TBC1D23: variants seen among roughly 807,000 people sequenced by gnomAD.
The protein encoded by TBC1D23 is HCV non-structural protein 4A-transactivated protein 1.
In TBC1D23, 55 loss-of-function variants were observed where a neutral mutation model predicts 91.4. The ratio of observed to expected loss-of-function variants is 0.60; its 90% CI spans 0.48 to 0.75. The LOEUF is 0.75. Among genes scored for constraint, TBC1D23 ranks in the 30% least tolerant of loss-of-function variants. TBC1D23 has a pLI of 0.00. For synonymous variants in TBC1D23, 289 were observed against 281.0 expected (o/e 1.03, Z -0.28); for missense variants, 725 against 836.1 (o/e 0.87, Z 1.64).
chr3:100,308,952 GGCTCAT>G, intron 13 of TBC1D23, among the ~76,000 whole-genome samples: 2 of 152,330 alleles, frequency 1.3e-5, no homozygotes, highest in East Asian at 3.9e-4. Flanking sequence ...CATGCATGGT[GGCTCAT>G]GCTTGTAATC....
intron 1 of TBC1D23, 92 bp downstream of exon 1, chr3:100,261,163 G>A: frequency 7.8e-7 from 1 of 1,289,780 alleles, no homozygotes; most frequent in Non-Finnish European, 1.1e-6. Flanking sequence ...GCGTCGGCAT[G>A]GAACGGAGAG....
At chr3:100,276,432 C>A (rs2067649565) in intron 1 of TBC1D23, among the ~76,000 whole-genome samples, 1 of 151,970 alleles carries the variant, frequency 6.6e-6, no homozygotes, top group Admixed American at 6.6e-5. Flanking sequence ...TACAAAATTT[C>A]TAATAACGAA....
chr3:100,313,955 A>T (rs1211032326), intron 15 of TBC1D23, among the ~76,000 whole-genome samples: 1 of 152,188 alleles, frequency 6.6e-6, no homozygotes, highest in Admixed American at 6.5e-5. Flanking sequence ...CTTGTAATTT[A>T]ATCAGACTTT....
intron 1 of TBC1D23, 69 bp from the exon 2 acceptor site, chr3:100,279,580 A>G (rs1043588518): frequency 1.8e-6 from 2 of 1,103,798 alleles, no homozygotes; most frequent in South Asian, 1.5e-5. Flanking sequence ...GGCCATGCTT[A>G]TAAATGAATC....
In TBC1D23 at chr3:100,304,782, A is replaced by G. The variant is rs1281595016; in HGVS notation, c.1264-64A>G. On this transcript the variant is annotated intron_variant, in intron 11 of 18. Transcript: ENST00000394144. ...GGTATTGTATTTATCAGTGTTTTAG[A>G]ACTAGCTAAAGTTTTAATTAAGTCG... 3 of 806,948 alleles carry G rather than the reference A, an allele frequency of 3.7e-6. No individual in the cohort carries two copies. In the African/African-American group the frequency reaches 5.1e-5, roughly 14 times the overall value. 50.0% of individuals were successfully genotyped at this position (806,948 alleles called of 1,614,324 possible). A position where few individuals can be genotyped will look rare whatever the true frequency, so the allele number is the denominator to read the frequency against.
intron 17 of TBC1D23, among the ~76,000 whole-genome samples, chr3:100,319,857 T>C (rs756006999): frequency 3.9e-5 from 6 of 152,124 alleles, no homozygotes; most frequent in Non-Finnish European, 8.8e-5. Flanking sequence ...AATGTGACAC[T>C]TCATCCCTAA....
intron 15 of TBC1D23, among the ~76,000 whole-genome samples, chr3:100,314,850 A>T (rs1705705406): frequency 6.6e-6 from 1 of 152,188 alleles, no homozygotes. Flanking sequence ...ATAGCTCTTG[A>T]AAATAGAAGA....
chr3:100,308,400 G>A (rs952154535), intron 13 of TBC1D23, among the ~76,000 whole-genome samples: 10 of 151,982 alleles, frequency 6.6e-5, no homozygotes, highest in Non-Finnish European at 1.3e-4. Context: ...GTGTGAACCC[G>A]GGAGGCGGAG....
intron 6 of TBC1D23, 38 bp downstream of exon 6, chr3:100,295,249 C>T (rs1311683675): frequency 1.3e-6 from 2 of 1,595,292 alleles, no homozygotes; most frequent in Non-Finnish European, 1.7e-6. Flanking sequence ...TTCCTCTTTT[C>T]TCAGGGTGCT....
chr3:100,298,142 C>T lies in TBC1D23; in HGVS notation c.999+97C>T, dbSNP rs1006085169. On this transcript the variant is annotated intron_variant, in intron 9 of 18. Coordinates refer to ENST00000394144, the MANE Select transcript of TBC1D23 (RefSeq NM_001199198.3). The stretch of plus-strand genomic sequence containing the variant: ...CATTGATTCCCACAAAATCAATTTA[C>T]TGCAACAAGGTGGCTCTTTTGGCTT... The T allele has an allele frequency of 5.5e-6, 6 of 1,082,094 alleles. No individual in the cohort carries two copies. The Admixed American group carries it at 1.6e-4, about 29-fold the overall frequency. 67.0% of individuals were successfully genotyped at this position (1,082,094 alleles called of 1,614,324 possible).
At chr3:100,318,800 A>G (rs1228183) in intron 16 of TBC1D23, among the ~76,000 whole-genome samples, 62,580 of 151,646 alleles carry the variant, frequency 0.41, 15,102 homozygotes, top group East Asian at 0.87. Flanking sequence ...ACAGGTGTGC[A>G]CCACCACACC....
At chr3:100,297,818 CAA>C (rs1705331617) in intron 8 of TBC1D23, 103 bp from the exon 9 acceptor site, 4 of 935,982 alleles carry the variant, frequency 4.3e-6, no homozygotes, top group Non-Finnish European at 6.2e-6. Context: ...AATCACAACT[CAA>C]GAGTATTATA....
At position 100,306,471 on chromosome 3, in the gene TBC1D23, T is replaced by C. The variant is rs201733306; in HGVS notation, c.1341T>C (p.Asp447=). 3 of 1,612,900 alleles carry C rather than the reference T, an allele frequency of 1.9e-6. No individual in the cohort carries two copies. In the African/African-American group the frequency reaches 4.0e-5, roughly 22 times the overall value. Residue 447 remains aspartate, a synonymous_variant, in exon 13 of 19, where the codon GAT becomes GAC. Coordinates refer to ENST00000394144, the MANE Select transcript of TBC1D23 (RefSeq NM_001199198.3). ...AGCACCTGGCAGACATTAATGTGGA[T>C]GGACCAGAAAATGGATATGGCCATT... ...LQQHLADINV[D]GPENGYGHWI... is the part of the protein sequence containing the mutation.
intron 3 of TBC1D23, 112 bp from the exon 4 acceptor site, chr3:100,283,495 G>A: frequency 3.1e-6 from 2 of 648,548 alleles, no homozygotes; most frequent in Non-Finnish European, 5.3e-6. Flanking sequence ...GTTTCACTTT[G>A]TCTTTCTCTA....
intron 1 of TBC1D23, among the ~76,000 whole-genome samples, chr3:100,278,574 C>CG (rs1414405305): frequency 1.3e-5 from 2 of 151,894 alleles, no homozygotes; most frequent in Non-Finnish European, 2.9e-5. Flanking sequence ...TTAGTAGAGA[C>CG]GGGGTTTCAC....
chr3:100,307,531 TA>T (rs892635780), intron 13 of TBC1D23, among the ~76,000 whole-genome samples: 1 of 152,250 alleles, frequency 6.6e-6, no homozygotes, highest in African/African-American at 2.4e-5. Flanking sequence ...ACCAGATATT[TA>T]ATAGTAGTTA....
intron 4 of TBC1D23, among the ~76,000 whole-genome samples, chr3:100,287,005 G>A (rs2067749298): frequency 6.6e-6 from 1 of 151,792 alleles, no homozygotes; most frequent in Admixed American, 6.6e-5. Context: ...AGTAGAGATG[G>A]GGTTTTACCA....
chr3:100,273,501 C>A (rs146549245), intron 1 of TBC1D23, among the ~76,000 whole-genome samples: 1,589 of 152,248 alleles, frequency 0.01, 21 homozygotes, highest in African/African-American at 0.036. Context: ...ACATTCTTCA[C>A]AAAACTAGAG....
intron 4 of TBC1D23, among the ~76,000 whole-genome samples, chr3:100,286,929 C>G (rs953530083): frequency 6.6e-6 from 1 of 152,184 alleles, no homozygotes; most frequent in African/African-American, 2.4e-5. Context: ...GATTCTCCTG[C>G]TTCAGCCCCC....
Sources: allele counts gnomAD v4.1 joint callset (sites outside exome capture counted in the v4.1 genomes callset), GRCh38; gene constraint gnomAD v4.1.1; transcripts MANE v1.5; gene names NCBI Gene and HGNC (gene_info 2026-07-23, HGNC 2026-07-21).